ADAMTS3: variants seen among roughly 807,000 people sequenced by gnomAD.
The protein encoded by ADAMTS3 is A disintegrin and metalloproteinase with thrombospondin motifs 3.
In ADAMTS3, 73 loss-of-function variants were observed where a neutral mutation model predicts 129.0. That is an observed-to-expected ratio of 0.57 (90% CI 0.47 to 0.69). ADAMTS3 has a LOEUF of 0.69. Among genes scored for constraint, ADAMTS3 ranks in the 30% least tolerant of loss-of-function variants. The probability of loss-of-function intolerance (pLI) is 0.00; values close to 1 mark genes in which losing one functional copy is unlikely to be tolerated. For synonymous variants in ADAMTS3, 477 were observed against 510.8 expected (o/e 0.93, Z 0.89); for missense variants, 1,457 against 1,514.5 (o/e 0.96, Z 0.63).
At chr4:72,300,375 A>T (rs925190057) in intron 17 of ADAMTS3, among the ~76,000 whole-genome samples, 2 of 152,154 alleles carry the variant, frequency 1.3e-5, no homozygotes, top group African/African-American at 4.8e-5. Flanking sequence ...ATCTATCATG[A>T]TGGTTAAGCA....
intron 3 of ADAMTS3, among the ~76,000 whole-genome samples, chr4:72,459,990 CCCA>C (rs1718719516): frequency 6.6e-6 from 1 of 151,512 alleles, no homozygotes; most frequent in Non-Finnish European, 1.5e-5. Context: ...AAATTTTCCA[CCCA>C]TACTGTCATA....
intron 3 of ADAMTS3, among the ~76,000 whole-genome samples, chr4:72,466,004 T>G (rs903025125): frequency 2.0e-5 from 3 of 152,082 alleles, no homozygotes; most frequent in African/African-American, 7.2e-5. Context: ...CTTTCCTTTA[T>G]AAATTACCCA....
chr4:72,496,744 G>A (rs1387529032), intron 3 of ADAMTS3, among the ~76,000 whole-genome samples: 2 of 151,968 alleles, frequency 1.3e-5, no homozygotes, highest in African/African-American at 4.8e-5. Flanking sequence ...TAAGAGAGTG[G>A]TAATCCAATG....
intron 3 of ADAMTS3, among the ~76,000 whole-genome samples, chr4:72,451,873 G>C (rs1018627767): frequency 2.0e-5 from 3 of 151,656 alleles, no homozygotes; most frequent in African/African-American, 7.3e-5. Flanking sequence ...AAAATTTGAG[G>C]ATTGCTTGAG....
At chr4:72,410,727 T>G (rs1722165857) in intron 4 of ADAMTS3, among the ~76,000 whole-genome samples, 1 of 152,140 alleles carries the variant, frequency 6.6e-6, no homozygotes, top group Admixed American at 6.6e-5. Flanking sequence ...GAGGTGAAAT[T>G]TATGACCCTT....
At chr4:72,388,097 A>G (rs1240512872) in intron 4 of ADAMTS3, among the ~76,000 whole-genome samples, 2 of 152,174 alleles carry the variant, frequency 1.3e-5, no homozygotes, top group Non-Finnish European at 2.9e-5. Context: ...AGCATAAGGT[A>G]AAAATAGGGA....
chr4:72,426,325 G>C (rs1722573617), intron 3 of ADAMTS3, among the ~76,000 whole-genome samples: 3 of 152,106 alleles, frequency 2.0e-5, no homozygotes, highest in Admixed American at 1.3e-4. Flanking sequence ...CTGTGCAGAA[G>C]CTCTTTAGTT....
rs1287118974 is a variant in ADAMTS3 at position 72,548,700 on chromosome 4, T to A, written c.282A>T (p.Arg94=). Residue 94 remains arginine (R), a synonymous_variant, in exon 3 of 22, where the codon CGA becomes CGT. Transcript: ENST00000286657. ...CTACTAGTTGAGTGTTGGGCTTTAG[T>A]CGCAGATGAAAATCTTTTCCAAATG... ...ITAFGKDFHL[R]LKPNTQLVAP... 3.7e-6 allele frequency: 6 copies of A among 1,613,996 alleles called. No individual in the cohort carries two copies. Among genetic ancestry groups the A allele is most frequent in the East Asian group, 2.2e-5 (1 of 44,886 alleles).
intron 3 of ADAMTS3, among the ~76,000 whole-genome samples, chr4:72,449,723 G>C (rs1367094485): frequency 6.6e-6 from 1 of 151,606 alleles, no homozygotes; most frequent in Non-Finnish European, 1.5e-5. Flanking sequence ...TTTTACTCTG[G>C]CTTACACAGC....
chr4:72,305,772 T>C (rs1314135412), intron 16 of ADAMTS3, among the ~76,000 whole-genome samples: 1 of 152,046 alleles, frequency 6.6e-6, no homozygotes, highest in Non-Finnish European at 1.5e-5. Context: ...TACACACATA[T>C]ACACATGCAC....
intron 4 of ADAMTS3, among the ~76,000 whole-genome samples, chr4:72,372,518 A>G (rs1395613043): frequency 6.6e-6 from 1 of 152,042 alleles, no homozygotes; most frequent in African/African-American, 2.4e-5. Flanking sequence ...AAAAAGGAAA[A>G]TATGAACTGT....
intron 3 of ADAMTS3, among the ~76,000 whole-genome samples, chr4:72,430,611 T>C (rs189072260): frequency 8.7e-4 from 132 of 152,068 alleles, no homozygotes; most frequent in Non-Finnish European, 7.1e-4. Flanking sequence ...ACAAAATCCA[T>C]GAACATAGTA....
At chr4:72,407,360 A>G (rs921386876) in intron 4 of ADAMTS3, among the ~76,000 whole-genome samples, 2 of 152,140 alleles carry the variant, frequency 1.3e-5, no homozygotes, top group African/African-American at 4.8e-5. Context: ...ACAGGACATA[A>G]AGAAAATCTG....
At chr4:72,528,193 CTCT>C (rs1720863870) in intron 3 of ADAMTS3, among the ~76,000 whole-genome samples, 1 of 149,650 alleles carries the variant, frequency 6.7e-6, no homozygotes, top group Non-Finnish European at 1.5e-5. Context: ...TTTATGATCT[CTCT>C]TTTTTTAATT....
chr4:72,300,794 G>T (rs943873870), intron 17 of ADAMTS3, among the ~76,000 whole-genome samples: 1 of 152,160 alleles, frequency 6.6e-6, no homozygotes, highest in African/African-American at 2.4e-5. Context: ...GCATCCTATG[G>T]AGAGGCTTAA....
rs55822622 is a variant in ADAMTS3, at chr4:72,423,987, A to G, written c.505-9016T>C. ...ATCTCTTTTGAACTCCCAGAATTTT[A>G]TCTATATTTCTATGGCATTTATCAC... On this transcript the variant is annotated intron_variant, in intron 3 of 21. Coordinates refer to ENST00000286657, the MANE Select transcript of ADAMTS3 (RefSeq NM_014243.3). 6.2e-3 allele frequency among the ~76,000 whole-genome samples: 948 copies of G among 152,150 alleles called. 13 individuals carry two copies. Among genetic ancestry groups the G allele is most frequent in the African/African-American group, 0.022 (910 of 41,522 alleles).
intron 4 of ADAMTS3, among the ~76,000 whole-genome samples, chr4:72,380,704 T>C (rs1721264987): frequency 6.6e-6 from 1 of 152,124 alleles, no homozygotes; most frequent in Admixed American, 6.6e-5. Flanking sequence ...AATTCACTAC[T>C]CTAGTCTACA....
At chr4:72,380,446 G>T (rs1439514431) in intron 4 of ADAMTS3, among the ~76,000 whole-genome samples, 1 of 152,100 alleles carries the variant, frequency 6.6e-6, no homozygotes. Context: ...GAATAAGAAT[G>T]ATTTTTTATA....
chr4:72,336,880 A>G (rs1267015482), intron 5 of ADAMTS3, among the ~76,000 whole-genome samples: 1 of 152,094 alleles, frequency 6.6e-6, no homozygotes, highest in Non-Finnish European at 1.5e-5. Flanking sequence ...TTAACAATAA[A>G]AAAAGTCTAC....
Sources: allele counts gnomAD v4.1 joint callset (sites outside exome capture counted in the v4.1 genomes callset), GRCh38; gene constraint gnomAD v4.1.1; transcripts MANE v1.5; gene names NCBI Gene and HGNC (gene_info 2026-07-23, HGNC 2026-07-21).